Variants in PLCB4 observed in about 807,000 individuals in gnomAD.
PLCB4 encodes the protein phospholipase C beta 4.
PLCB4 carries 77 observed loss-of-function variants against 178.8 expected under a neutral mutation model. The ratio of observed to expected loss-of-function variants is 0.43; its 90% CI spans 0.36 to 0.52. The LOEUF is 0.52. Among genes scored for constraint, PLCB4 ranks in the 20% least tolerant of loss-of-function variants. The pLI is 0.00. For missense variants in PLCB4, 1,024 were observed against 1,453.4 expected (o/e 0.70, Z 4.80); for synonymous variants, 496 against 490.8 (o/e 1.01, Z -0.14).
chr20:9,474,264 A>G (rs1245838443), intron 38 of PLCB4, among the ~76,000 whole-genome samples: 1 of 151,988 alleles, frequency 6.6e-6, no homozygotes, highest in Non-Finnish European at 1.5e-5. Context: ...TAGTTAGGCC[A>G]ATGGGCATAT....
chr20:9,307,494 T>C (rs1311710732), intron 3 of PLCB4, among the ~76,000 whole-genome samples: 1 of 138,096 alleles, frequency 7.2e-6, no homozygotes, highest in African/African-American at 2.8e-5. Context: ...AAAAAAAGAA[T>C]ACACACACAC....
chr20:9,358,570 G>A (rs548409363), intron 7 of PLCB4, among the ~76,000 whole-genome samples: 13 of 152,254 alleles, frequency 8.5e-5, no homozygotes, highest in East Asian at 1.9e-4. Flanking sequence ...TTAGGATGAC[G>A]GGCCAGCCTG....
chr20:9,348,335 G>A (rs555529428), intron 7 of PLCB4, among the ~76,000 whole-genome samples: 1 of 152,308 alleles, frequency 6.6e-6, no homozygotes, highest in Admixed American at 6.5e-5. Flanking sequence ...TTGTTCCTGG[G>A]TAAAGTTAGA....
At chr20:9,451,255 T>TA (rs2042752958) in intron 32 of PLCB4, among the ~76,000 whole-genome samples, 1 of 152,162 alleles carries the variant, frequency 6.6e-6, no homozygotes, top group Admixed American at 6.5e-5. Flanking sequence ...ATTGGATTAA[T>TA]AAGGTTCACC....
intron 3 of PLCB4, among the ~76,000 whole-genome samples, chr20:9,261,566 TA>T (rs2094297968): frequency 1.3e-5 from 2 of 152,332 alleles, no homozygotes; most frequent in East Asian, 1.9e-4. Flanking sequence ...AGAAATCAAT[TA>T]AAAATATTCT....
intron 4 of PLCB4, among the ~76,000 whole-genome samples, chr20:9,315,484 T>A (rs2094888893): frequency 6.6e-6 from 1 of 152,024 alleles, no homozygotes; most frequent in Non-Finnish European, 1.5e-5. Context: ...CTTCCAGCAG[T>A]GTTCAATACT....
chr20:9,298,163 G>A (rs2094661075), intron 3 of PLCB4, among the ~76,000 whole-genome samples: 1 of 152,178 alleles, frequency 6.6e-6, no homozygotes, highest in Admixed American at 6.6e-5. Flanking sequence ...ATACCAAGAA[G>A]AATGTGAAGA....
intron 2 of PLCB4, among the ~76,000 whole-genome samples, chr20:9,165,513 T>C (rs2147002530): frequency 6.6e-6 from 1 of 152,292 alleles, no homozygotes. Context: ...CAAAATACAA[T>C]TCTCTCTGGA....
chr20:9,141,783 G>A (rs1402828449), intron 2 of PLCB4, among the ~76,000 whole-genome samples: 1 of 152,102 alleles, frequency 6.6e-6, no homozygotes, highest in Non-Finnish European at 1.5e-5. Context: ...GGGGGATGGA[G>A]TAGTCAGGAG....
chr20:9,225,680 T>A (rs1217517662), intron 3 of PLCB4, among the ~76,000 whole-genome samples: 1 of 152,186 alleles, frequency 6.6e-6, no homozygotes, highest in Non-Finnish European at 1.5e-5. Context: ...CATGTTAAAT[T>A]GGGCATTCTG....
chr20:9,258,411 A>G (rs1248890237), intron 3 of PLCB4, among the ~76,000 whole-genome samples: 1 of 152,064 alleles, frequency 6.6e-6, no homozygotes, highest in Non-Finnish European at 1.5e-5. Context: ...TGGGGTGGAA[A>G]GTTGACCACA....
At chr20:9,362,296 A>G (rs1210738437) in intron 7 of PLCB4, among the ~76,000 whole-genome samples, 1 of 152,180 alleles carries the variant, frequency 6.6e-6, no homozygotes, top group Non-Finnish European at 1.5e-5. Flanking sequence ...TTGTCCTTGT[A>G]AAACAGTGGA....
At chr20:9,445,947 A>G (rs2042388657) in intron 32 of PLCB4, among the ~76,000 whole-genome samples, 1 of 152,356 alleles carries the variant, frequency 6.6e-6, no homozygotes, top group South Asian at 2.1e-4. Flanking sequence ...CAGACACCTC[A>G]GTGGCCTTTG....
intron 2 of PLCB4, among the ~76,000 whole-genome samples, chr20:9,204,428 G>A (rs989587515): frequency 6.6e-6 from 1 of 151,834 alleles, no homozygotes; most frequent in Non-Finnish European, 1.5e-5. Flanking sequence ...ACACAATCTC[G>A]GCTCACTGCA....
At chr20:9,344,059 T>C (rs892133837) in intron 7 of PLCB4, among the ~76,000 whole-genome samples, 6 of 152,200 alleles carry the variant, frequency 3.9e-5, no homozygotes, top group Admixed American at 3.9e-4. Context: ...TGGAGGGATG[T>C]TTTTAAAATG....
intron 1 of PLCB4, among the ~76,000 whole-genome samples, chr20:9,083,436 G>T (rs2090254600): frequency 6.6e-6 from 1 of 152,012 alleles, no homozygotes; most frequent in Non-Finnish European, 1.5e-5. Context: ...GGATACATAA[G>T]AAATGGAGCC....
intron 3 of PLCB4, among the ~76,000 whole-genome samples, chr20:9,237,190 G>T (rs1034315729): frequency 1.3e-5 from 2 of 152,076 alleles, no homozygotes; most frequent in Non-Finnish European, 2.9e-5. Flanking sequence ...CCTAGGTCAA[G>T]ACTTTTCATA....
rs200280651 is a variant in PLCB4 at position 9,455,878 on chromosome 20, C to T, written c.2997-1536C>T. On this transcript the variant is annotated intron_variant, in intron 33 of 39. Coordinates refer to ENST00000378473, the MANE Select transcript of PLCB4 (RefSeq NM_001377142.1). ...CTGGACTTAGTCTTGCTATGTTGCC[C>T]AGGCTGAAGTGCAGTAGCACAATCT... Among the ~76,000 whole-genome samples, 5 of 152,302 alleles carry T rather than the reference C, an allele frequency of 3.3e-5. No individual in the cohort carries two copies. The East Asian group carries it at 9.6e-4, about 29-fold the overall frequency.
chr20:9,285,741 G>T (rs1030542510), intron 3 of PLCB4, among the ~76,000 whole-genome samples: 3 of 151,986 alleles, frequency 2.0e-5, no homozygotes, highest in African/African-American at 7.2e-5. Context: ...TCCTAGAAAA[G>T]CTTGATGGAG....
Sources: gnomAD v4.1 joint callset for allele counts (sites outside exome capture counted in the v4.1 genomes callset) on GRCh38, gnomAD v4.1.1 for gene constraint, MANE v1.5 for transcripts, NCBI Gene and HGNC (gene_info 2026-07-23, HGNC 2026-07-21) for gene names.